RDH10: variants seen among roughly 807,000 people sequenced by gnomAD.
RDH10 encodes retinol dehydrogenase 10 (all-trans).
RDH10 carries 12 observed loss-of-function variants against 30.2 expected under a neutral mutation model. That is an observed-to-expected ratio of 0.40 (90% CI 0.25 to 0.64). The LOEUF (loss-of-function observed/expected upper bound fraction) is 0.64. Among genes scored for constraint, RDH10 ranks in the 30% least tolerant of loss-of-function variants. RDH10 has a pLI of 0.43. For synonymous variants in RDH10, 189 were observed against 172.2 expected (o/e 1.10, Z -0.76); for missense variants, 268 against 445.2 (o/e 0.60, Z 3.58).
At chr8:73,298,390 T>G (rs1293547079) in intron 2 of RDH10, among the ~76,000 whole-genome samples, 1 of 152,238 alleles carries the variant, frequency 6.6e-6, no homozygotes, top group Admixed American at 6.5e-5. Flanking sequence ...TCATTAATTT[T>G]TTAGCAACTG....
chr8:73,296,514 G>A (rs1814269831), intron 1 of RDH10, among the ~76,000 whole-genome samples: 1 of 152,064 alleles, frequency 6.6e-6, no homozygotes, highest in Admixed American at 6.6e-5. Flanking sequence ...GCTCCCTGCC[G>A]AAACCTAAAA....
chr8:73,309,456 A>G (rs998621386), intron 2 of RDH10, among the ~76,000 whole-genome samples: 3 of 152,162 alleles, frequency 2.0e-5, no homozygotes, highest in Admixed American at 6.5e-5. Flanking sequence ...TGACATTTCA[A>G]TATTGTTCCT....
intron 2 of RDH10, among the ~76,000 whole-genome samples, chr8:73,318,046 G>A (rs1429630592): frequency 2.0e-5 from 3 of 151,838 alleles, no homozygotes; most frequent in Admixed American, 6.6e-5. Context: ...GCTTTGTAGT[G>A]TTTGGTTGTG....
At chr8:73,312,757 T>C (rs6472765) in intron 2 of RDH10, 121,234 of 152,182 alleles carry the variant, frequency 0.8, 48,355 homozygotes, top group South Asian at 0.92. Flanking sequence ...CTTAAGCATA[T>C]GTGAGAAAAC....
intron 1 of RDH10, 75 bp downstream of exon 1, chr8:73,295,653 A>T (rs1814248697): frequency 7.4e-7 from 1 of 1,347,504 alleles, no homozygotes; most frequent in East Asian, 2.7e-5. Context: ...GCAGGCCCCA[A>T]ACCCCGCTGC....
intron 2 of RDH10, among the ~76,000 whole-genome samples, chr8:73,302,013 C>T (rs1814388021): frequency 1.3e-5 from 2 of 152,154 alleles, no homozygotes; most frequent in South Asian, 4.1e-4. Context: ...GTGTAACAGC[C>T]ATTCATATTT....
At position 73,322,922 on chromosome 8, in the gene RDH10, A is replaced by G; in HGVS notation, c.912A>G (p.Pro304=). The stretch of plus-strand genomic sequence containing the variant: ...GACTTCCCTTTTTCAGCATCCTACC[A>G]TTTGAAGCAGTTGTGTGCATGTATC... ...YIVTFMKSIL[P]FEAVVCMYRF... The change falls in exon 6 of 6, where the codon CCA becomes CCG. Residue 304 remains proline (P), a synonymous_variant. Coordinates refer to ENST00000240285, the MANE Select transcript of RDH10 (RefSeq NM_172037.5). 6.2e-7 allele frequency: 1 copy of G among 1,614,176 alleles called. No homozygotes were observed. Among genetic ancestry groups the G allele is most frequent in the Non-Finnish European group, 8.5e-7 (1 of 1,180,006 alleles).
At chr8:73,304,500 A>T (rs1814435313) in intron 2 of RDH10, among the ~76,000 whole-genome samples, 1 of 152,208 alleles carries the variant, frequency 6.6e-6, no homozygotes, top group Non-Finnish European at 1.5e-5. Flanking sequence ...CTGCCTGCTT[A>T]AAACACTTGT....
rs1280621874 is a variant in RDH10 at position 73,295,334 on chromosome 8, C to T, written c.45C>T (p.Leu15=). Residue 15 remains leucine, a synonymous_variant, in exon 1 of 6, where the codon CTC becomes CTT. Transcript: ENST00000240285. Reference sequence around the variant, plus strand: ...TCTTCGTGGTCACTTTCAAAGTGCTCTGGGCGTTCGTGCTGGCCGCGGCGC... The same window carrying T: ...TCTTCGTGGTCACTTTCAAAGTGCTTTGGGCGTTCGTGCTGGCCGCGGCGC... The part of the protein sequence containing the change: ...VEFFVVTFKV[L]WAFVLAAARW... The T allele has an allele frequency of 1.3e-6, 2 of 1,564,734 alleles. No individual in the cohort carries two copies. The highest frequency in any genetic ancestry group is 1.7e-6 in the Non-Finnish European group (2 of 1,156,356).
chr8:73,296,333 T>G (rs1814266380), intron 1 of RDH10, among the ~76,000 whole-genome samples: 1 of 152,134 alleles, frequency 6.6e-6, no homozygotes, highest in Admixed American at 6.5e-5. Flanking sequence ...TTAACAAAAT[T>G]TTTCATTTTT....
rs149043755 is a variant in RDH10 at position 73,315,715 on chromosome 8, C to T, written c.526-3381C>T. 6.0e-3 allele frequency: 2,021 copies of T among 338,180 alleles called. 30 individuals are homozygous for T. Among genetic ancestry groups the T allele is most frequent in the African/African-American group, 0.039 (1,826 of 47,386 alleles). The allele number at this position is 338,180 out of a possible 1,614,324, so 20.9% of individuals were successfully genotyped here. A position where few individuals can be genotyped will look rare whatever the true frequency, so the allele number is the denominator to read the frequency against. On this transcript the variant is annotated intron_variant, in intron 2 of 5. Transcript: ENST00000240285. ...CCGCTGGCTGGAGTTAGAGTGGACA[C>T]GTGAGTGAGTGATTCAGATTTGTCA...
rs1814762782 is a variant in RDH10, at chr8:73,321,039, T to C, written c.732T>C (p.Tyr244=). ...DGIKTTLVCP[Y]LVDTGMFRGC... ...TTAAAACAACCTTGGTTTGCCCTTATCTTGTAGACACTGGCATGTTCAGAG... is the reference window on the plus strand; with the variant it reads ...TTAAAACAACCTTGGTTTGCCCTTACCTTGTAGACACTGGCATGTTCAGAG... Residue 244 remains tyrosine (Y), a synonymous_variant, in exon 4 of 6, where the codon TAT becomes TAC. Transcript: ENST00000240285. 6.2e-7 allele frequency: 1 copy of C among 1,614,146 alleles called. No homozygotes were observed. Among genetic ancestry groups the C allele is most frequent in the Non-Finnish European group, 8.5e-7 (1 of 1,179,988 alleles).
Position 73,297,395 on chromosome 8 carries a change from G to A in RDH10, c.491G>A (p.Arg164Lys). The change falls in exon 2 of 6, where the codon AGA (arginine) becomes AAA (lysine). Residue 164 changes from arginine to lysine, a missense_variant. Arg to Lys is a conservative substitution (Grantham distance 26, BLOSUM62 2). This residue lies in a region of RDH10 where 136 missense variants were observed against 288.8 expected (regional missense o/e 0.47). Transcript: ENST00000240285. ...GAATGTCCTGATGAGCTCATTGAGA[G>A]AACCATGATGGTCAATTGCCATGCA... is the stretch of plus-strand genomic sequence containing the variant. ...LLECPDELIE[R>K]TMMVNCHAHF... is the part of the protein sequence containing the mutation. The A allele has an allele frequency of 6.2e-7, 1 of 1,613,040 alleles. No individual in the cohort carries two copies. The highest frequency in any genetic ancestry group is 8.5e-7 in the Non-Finnish European group (1 of 1,178,990).
At chr8:73,322,142 A>G in intron 4 of RDH10, 1 of 386,900 alleles carries the variant, frequency 2.6e-6, no homozygotes, top group Admixed American at 3.0e-5. Context: ...TCATTTCAAC[A>G]TGTAACCCAG....
intron 2 of RDH10, 161 bp downstream of exon 2, chr8:73,297,590 T>C: frequency 1.7e-6 from 1 of 591,988 alleles, no homozygotes; most frequent in Non-Finnish European, 3.0e-6. Context: ...CTGGTTACTG[T>C]TAGTCGTTTT....
rs1402741037 is a variant in RDH10, at chr8:73,294,925, G to A, written c.-365G>A. ...CGGTTCCGGGGACGCTCGGGCGGCA[G>A]CAGCTTGGCCATGAGGGCAGTTCGA... On this transcript the variant is annotated 5_prime_UTR_variant, in exon 1 of 6. Transcript: ENST00000240285. 4 of 394,770 alleles carry A rather than the reference G, an allele frequency of 1.0e-5. No individual in the cohort carries two copies. The highest frequency in any genetic ancestry group is 4.4e-5 in the Admixed American group (1 of 22,618). 24.5% of individuals were successfully genotyped at this position (394,770 alleles called of 1,614,324 possible).
rs1274284392 is a variant in RDH10, at chr8:73,297,261, G to A, written c.357G>A (p.Val119=). ...AGGTTTTTACCTACACCTGTGACGT[G>A]GGGAAGAGGGAGAACGTCTACCTGA... ...NLQVFTYTCD[V]GKRENVYLTA... is the part of the protein sequence containing the mutation. Residue 119 remains valine (V), a synonymous_variant, in exon 2 of 6, where the codon GTG becomes GTA. Transcript: ENST00000240285. The A allele has an allele frequency of 2.5e-6, 4 of 1,614,008 alleles. No homozygotes were observed. The highest frequency in any genetic ancestry group is 1.3e-5 in the African/African-American group (1 of 74,930).
intron 2 of RDH10, chr8:73,297,632 C>T (rs1232264218): frequency 1.9e-6 from 1 of 516,770 alleles, no homozygotes; most frequent in Non-Finnish European, 3.5e-6. Flanking sequence ...ACCCCTAACT[C>T]AGTATTTTTG....
At position 73,304,347 on chromosome 8, in the gene RDH10, A is replaced by T. The variant is rs144120576; in HGVS notation, c.525+6918A>T. ...TGCTTGTGCCCCTGTGCTTTGATTG[A>T]TCGCCCCTTTCCTTTCCTACTTCAT... On this transcript the variant is annotated intron_variant, in intron 2 of 5. Coordinates refer to ENST00000240285, the MANE Select transcript of RDH10 (RefSeq NM_172037.5). Among the ~76,000 whole-genome samples, 6 of 152,170 alleles carry T rather than the reference A, an allele frequency of 3.9e-5. No homozygotes were observed. In the East Asian group the frequency reaches 1.2e-3, roughly 29 times the overall value.
Sources: allele counts gnomAD v4.1 joint callset (sites outside exome capture counted in the v4.1 genomes callset), GRCh38; gene constraint gnomAD v4.1.1; regional missense constraint gnomAD v4.1.1; transcripts MANE v1.5; gene names NCBI Gene and HGNC (gene_info 2026-07-23, HGNC 2026-07-21).